The following PTPRN2 variants were observed in gnomAD, a reference collection of about 807,000 sequenced individuals.
PTPRN2 encodes the protein protein tyrosine phosphatase receptor type N2.
Under a neutral mutation model 118.8 loss-of-function variants are expected in PTPRN2, and 74 were observed. That is an observed-to-expected ratio of 0.62 (90% confidence interval 0.52 to 0.76). The LOEUF is 0.76. PTPRN2 is among the 30% of genes least tolerant of loss of function. The probability of loss-of-function intolerance (pLI) is 0.00; values close to 1 mark genes in which losing one functional copy is unlikely to be tolerated. For synonymous variants in PTPRN2, 641 were observed against 608.0 expected (o/e 1.05, Z -0.80); for missense variants, 1,481 against 1,394.4 (o/e 1.06, Z -0.99).
At chr7:158,244,885 T>C (rs1343717344) in intron 3 of PTPRN2, among the ~76,000 whole-genome samples, 1 of 152,162 alleles carries the variant, frequency 6.6e-6, no homozygotes, top group Non-Finnish European at 1.5e-5. Context: ...AAACTTTTTC[T>C]CTGAGCTCAG....
At chr7:158,317,403 A>G (rs73510317) in intron 2 of PTPRN2, among the ~76,000 whole-genome samples, 32 of 152,374 alleles carry the variant, frequency 2.1e-4, no homozygotes, top group African/African-American at 7.5e-4. Flanking sequence ...CGTGGGAGGC[A>G]AGCACGGCTT....
chr7:158,444,053 C>A (rs951080445), intron 2 of PTPRN2, among the ~76,000 whole-genome samples: 11 of 152,228 alleles, frequency 7.2e-5, no homozygotes, highest in Admixed American at 3.3e-4. Flanking sequence ...CAGGGTCCTG[C>A]CCTCTCCCAC....
chr7:158,190,681 T>C (rs1323164607), intron 5 of PTPRN2, among the ~76,000 whole-genome samples: 2 of 152,204 alleles, frequency 1.3e-5, no homozygotes, highest in Non-Finnish European at 2.9e-5. Context: ...ACACAGTCCA[T>C]GATCAGGAAA....
chr7:158,357,729 G>C (rs1260220374), intron 2 of PTPRN2, among the ~76,000 whole-genome samples: 1 of 152,250 alleles, frequency 6.6e-6, no homozygotes, highest in African/African-American at 2.4e-5. Flanking sequence ...TAAGGTTCCA[G>C]GGACCATTCC....
chr7:158,174,376 C>T (rs11980838), intron 5 of PTPRN2, among the ~76,000 whole-genome samples: 1 of 151,728 alleles, frequency 6.6e-6, no homozygotes, highest in Non-Finnish European at 1.5e-5. Flanking sequence ...CAGCAGCATC[C>T]CCACCATCAT....
At chr7:158,149,409 A>T (rs1266292932) in intron 6 of PTPRN2, among the ~76,000 whole-genome samples, 5 of 152,056 alleles carry the variant, frequency 3.3e-5, no homozygotes, top group Admixed American at 6.6e-5. Flanking sequence ...TTAAAACATA[A>T]AATGTATAAG....
At chr7:158,514,910 T>C (rs1453868307) in intron 1 of PTPRN2, among the ~76,000 whole-genome samples, 1 of 152,054 alleles carries the variant, frequency 6.6e-6, no homozygotes, top group Non-Finnish European at 1.5e-5. Context: ...CTGGACCCGC[T>C]CTCTCAGGGG....
chr7:157,657,974 CACCA>C (rs1360110804), intron 13 of PTPRN2, among the ~76,000 whole-genome samples: 5 of 149,064 alleles, frequency 3.4e-5, no homozygotes, highest in African/African-American at 9.8e-5. Flanking sequence ...GACACACACA[CACCA>C]CACACACGTC....
intron 6 of PTPRN2, among the ~76,000 whole-genome samples, chr7:158,162,288 G>A (rs1822430204): frequency 6.6e-6 from 1 of 152,218 alleles, no homozygotes; most frequent in Non-Finnish European, 1.5e-5. Flanking sequence ...AAACCTGCAT[G>A]AGGGTGCTTA....
intron 11 of PTPRN2, among the ~76,000 whole-genome samples, chr7:157,979,102 C>T (rs1802951040): frequency 6.6e-6 from 1 of 152,034 alleles, no homozygotes; most frequent in Admixed American, 6.5e-5. Flanking sequence ...CTCCCATCGC[C>T]CCCGCGGCCC....
At chr7:158,270,806 TCACCTGGACCG>T (rs1798323798) in intron 3 of PTPRN2, among the ~76,000 whole-genome samples, 1 of 6,398 alleles carries the variant, frequency 1.6e-4, no homozygotes, top group South Asian at 5.2e-3. Flanking sequence ...GACCACCCCC[TCACCTGGACCG>T]CCCCCTCCAC....
Position 157,974,123 on chromosome 7 carries a change from G to A in PTPRN2, c.1724-75386C>T, listed in dbSNP as rs538445969. Among the ~76,000 whole-genome samples the A allele has an allele frequency of 2.2e-4, 33 of 152,286 alleles. No individual in the cohort carries two copies. Among genetic ancestry groups the A allele is most frequent in the Non-Finnish European group, 3.4e-4 (23 of 68,020 alleles). ...TTGCACTGCTGGACGGTGGGTTGGC[G>A]GTGTTGACGCTGCACAGGTCATGAG... On this transcript the variant is annotated intron_variant, in intron 11 of 22. Transcript: ENST00000389418. This position sits in a 1 kb window ranked among gnomAD's most constrained non-coding sequence, Gnocchi z 4.0.
chr7:158,071,418 G>A (rs1456501686), intron 11 of PTPRN2, among the ~76,000 whole-genome samples: 2 of 68,678 alleles, frequency 2.9e-5, no homozygotes, highest in Non-Finnish European at 3.1e-5. Context: ...GTTGCTCCTG[G>A]TGGTGGAGGT....
Position 158,026,481 on chromosome 7 carries a change from T to C in PTPRN2, c.1723+54817A>G, listed in dbSNP as rs1288273402. On this transcript the variant is annotated intron_variant, in intron 11 of 22. Transcript: ENST00000389418. ...GATTTTGGCGAAGCTGAGTGATGCA[T>C]GCTATATGCATCCTTATTGATCGAA... Among the ~76,000 whole-genome samples, 8 of 152,234 alleles carry C rather than the reference T, an allele frequency of 5.3e-5. No individual in the cohort carries two copies. In the East Asian group the frequency reaches 1.5e-3, roughly 29 times the overall value.
intron 1 of PTPRN2, among the ~76,000 whole-genome samples, chr7:158,573,596 G>C (rs1828162650): frequency 6.6e-6 from 1 of 152,134 alleles, no homozygotes; most frequent in African/African-American, 2.4e-5. Flanking sequence ...TCAACAGCAA[G>C]TCACTCCCCA....
chr7:157,728,488 C>T (rs6459808), intron 12 of PTPRN2, among the ~76,000 whole-genome samples: 111,889 of 152,150 alleles, frequency 0.74, 41,329 homozygotes, highest in South Asian at 0.79. Context: ...GGGCCCTTGG[C>T]TCAGTGGACA....
intron 1 of PTPRN2, among the ~76,000 whole-genome samples, chr7:158,507,982 G>T (rs1049358798): frequency 4.6e-5 from 7 of 151,310 alleles, no homozygotes; most frequent in Non-Finnish European, 8.8e-5. Flanking sequence ...CCGGGGAACA[G>T]CCCCGTGCTA....
chr7:158,107,789 C>A (rs560784539), intron 10 of PTPRN2, among the ~76,000 whole-genome samples: 1 of 152,146 alleles, frequency 6.6e-6, no homozygotes, highest in Non-Finnish European at 1.5e-5. Flanking sequence ...TGTCCCCTGC[C>A]CACAGCAGCC....
rs1216249169 is a variant in PTPRN2, at chr7:158,147,624, G to C, written c.911-9109C>G. On this transcript the variant is annotated intron_variant, in intron 6 of 22. Coordinates refer to ENST00000389418, the MANE Select transcript of PTPRN2 (RefSeq NM_002847.5). ...AATGACACCCCATCTCACGCCACGT[G>C]TCTTTCCCCCTCAATGACACCCCAT... is the stretch of plus-strand genomic sequence containing the variant. Among the ~76,000 whole-genome samples the C allele has an allele frequency of 6.4e-4, 68 of 105,542 alleles. 1 individual carries two copies. Among genetic ancestry groups the C allele is most frequent in the Non-Finnish European group, 9.7e-4 (53 of 54,700 alleles). The allele number at this position is 105,542 out of a possible 152,430, so 69.2% of individuals were successfully genotyped here. A position where few individuals can be genotyped will look rare whatever the true frequency, so the allele number is the denominator to read the frequency against.
Sources: gnomAD v4.1 joint callset for allele counts (sites outside exome capture counted in the v4.1 genomes callset) on GRCh38, gnomAD v4.1.1 for gene constraint, Gnocchi (gnomAD v3.1) non-coding constraint, MANE v1.5 for transcripts, NCBI Gene and HGNC (gene_info 2026-07-23, HGNC 2026-07-21) for gene names.